MTCL3: variants seen among roughly 807,000 people sequenced by gnomAD.
MTCL3 encodes microtubule cross-linking factor 3.
At chr6:127,501,171 G>T in the MTCL3 span, among the ~76,000 whole-genome samples, 1 of 152,042 alleles carries the variant, frequency 6.6e-6, no homozygotes, top group Admixed American at 6.5e-5. Context: ...AATTGTACAT[G>T]TATTACAGAA....
the MTCL3 span, among the ~76,000 whole-genome samples, chr6:127,488,214 C>A: frequency 6.6e-6 from 1 of 152,204 alleles, no homozygotes; most frequent in Non-Finnish European, 1.5e-5. Flanking sequence ...TCATGACCCA[C>A]TTCCATAGTC....
At chr6:127,510,562 T>C in the MTCL3 span, among the ~76,000 whole-genome samples, 1 of 152,242 alleles carries the variant, frequency 6.6e-6, no homozygotes, top group South Asian at 2.1e-4. Context: ...AAAGCTCTTA[T>C]GCCATTCTTA....
At chr6:127,510,099 T>G in the MTCL3 span, among the ~76,000 whole-genome samples, 5 of 152,156 alleles carry the variant, frequency 3.3e-5, no homozygotes, top group South Asian at 2.1e-4. Flanking sequence ...CCCCACCACC[T>G]TCCATCTTCT....
the MTCL3 span, among the ~76,000 whole-genome samples, chr6:127,495,459 C>G: frequency 3.3e-5 from 5 of 152,070 alleles, no homozygotes; most frequent in Non-Finnish European, 7.4e-5. Context: ...AAAGGATGAG[C>G]TGTCCAGTCT....
chr6:127,479,711 G>C, the MTCL3 span, among the ~76,000 whole-genome samples: 1 of 152,164 alleles, frequency 6.6e-6, no homozygotes, highest in East Asian at 1.9e-4. Flanking sequence ...AGGAGGGAAA[G>C]AGCTGCATCA....
chr6:127,476,058 C>T, the MTCL3 span: 18 of 1,613,070 alleles, frequency 1.1e-5, no homozygotes, highest in Admixed American at 1.7e-5. The surrounding 1 kb of genome is among the most constrained non-coding windows in gnomAD (Gnocchi z 4.4). Context: ...GCAGCAGCTC[C>T]GTCTCGTCTT....
the MTCL3 span, chr6:127,515,398 C>A: frequency 9.7e-7 from 1 of 1,035,094 alleles, no homozygotes. This position sits in a 1 kb window ranked among gnomAD's most constrained non-coding sequence, Gnocchi z 4.3. Flanking sequence ...TCTTGTTCTC[C>A]TCCCTCTTCA....
At chr6:127,474,051 C>T in the MTCL3 span, among the ~76,000 whole-genome samples, 2 of 152,074 alleles carry the variant, frequency 1.3e-5, no homozygotes, top group African/African-American at 4.8e-5. Flanking sequence ...TTAGTGTTGC[C>T]TTCAAGCTAC....
chr6:127,475,153 G>C, the MTCL3 span: 1 of 819,600 alleles, frequency 1.2e-6, no homozygotes, highest in Non-Finnish European at 1.8e-6. The surrounding 1 kb of genome is among the most constrained non-coding windows in gnomAD (Gnocchi z 7.3). Flanking sequence ...GAGGCCGGGG[G>C]TTTCAGGCCC....
the MTCL3 span, among the ~76,000 whole-genome samples, chr6:127,512,361 A>G: frequency 5.3e-5 from 8 of 152,212 alleles, no homozygotes; most frequent in Non-Finnish European, 1.2e-4. Flanking sequence ...TGGCTGCTGT[A>G]AAAGATCTTC....
chr6:127,519,022 G>C, the MTCL3 span: 1 of 140,242 alleles, frequency 7.1e-6, no homozygotes, highest in African/African-American at 2.6e-5. Flanking sequence ...CAAGAGGAAA[G>C]AGAAGAAGGC....
the MTCL3 span, chr6:127,475,354 C>T: frequency 2.2e-5 from 36 of 1,613,190 alleles, no homozygotes; most frequent in Admixed American, 3.3e-5. This position sits in a 1 kb window ranked among gnomAD's most constrained non-coding sequence, Gnocchi z 7.3. Context: ...CACCTCGAGG[C>T]GGTCGATGAA....
the MTCL3 span, among the ~76,000 whole-genome samples, chr6:127,495,912 C>T: frequency 6.6e-6 from 1 of 152,032 alleles, no homozygotes; most frequent in South Asian, 2.1e-4. Context: ...GGCATGGCAA[C>T]GCTGGGTTAA....
At chr6:127,482,792 G>A in the MTCL3 span, 8 of 658,268 alleles carry the variant, frequency 1.2e-5, no homozygotes, top group East Asian at 2.9e-5. This position sits in a 1 kb window ranked among gnomAD's most constrained non-coding sequence, Gnocchi z 4.1. Context: ...TAATTGATAT[G>A]CAAATTTGAC....
At chr6:127,516,808 T>C in the MTCL3 span, 2 of 940,104 alleles carry the variant, frequency 2.1e-6, no homozygotes, top group Middle Eastern at 2.7e-4. Context: ...GCTTTGACTT[T>C]AGGAATAGGA....
the MTCL3 span, among the ~76,000 whole-genome samples, chr6:127,494,551 T>G: frequency 6.6e-6 from 1 of 152,188 alleles, no homozygotes; most frequent in Non-Finnish European, 1.5e-5. Flanking sequence ...TCATATCATA[T>G]GATCAAAATA....
chr6:127,507,975 C>T, the MTCL3 span, among the ~76,000 whole-genome samples: 2 of 151,896 alleles, frequency 1.3e-5, no homozygotes, highest in African/African-American at 4.8e-5. Context: ...CTTATTCCTG[C>T]CCATGTTATT....
chr6:127,475,481 T>C, the MTCL3 span: 1 of 1,613,578 alleles, frequency 6.2e-7, no homozygotes, highest in East Asian at 2.2e-5. This position sits in a 1 kb window ranked among gnomAD's most constrained non-coding sequence, Gnocchi z 7.3. Context: ...AGGTCCCCGT[T>C]GGCCACGTAG....
chr6:127,516,008 C>G, the MTCL3 span: 1 of 1,593,278 alleles, frequency 6.3e-7, no homozygotes, highest in South Asian at 1.1e-5. Flanking sequence ...CTCTGCTGAG[C>G]GCGTACGCCT....
Sources: allele counts gnomAD v4.1 joint callset (sites outside exome capture counted in the v4.1 genomes callset), GRCh38; gene constraint gnomAD v4.1.1; non-coding constraint Gnocchi (gnomAD v3.1); transcripts MANE v1.5; gene names NCBI Gene and HGNC (gene_info 2026-07-23, HGNC 2026-07-21).